EYS: variants seen among roughly 807,000 people sequenced by gnomAD.
The protein encoded by EYS is protein eyes shut homolog.
A neutral mutation model predicts 282.1 loss-of-function variants in EYS; 250 were observed. That is an observed-to-expected ratio of 0.89 (90% CI 0.80 to 0.98). The LOEUF (loss-of-function observed/expected upper bound fraction) is 0.98, where lower values mean the gene tolerates loss of function less well. Ranked by LOEUF, EYS falls within the 50% of genes least tolerant of loss-of-function variation. The pLI is 0.00. For missense variants in EYS, 4,016 were observed against 3,709.0 expected (o/e 1.08, Z -2.15); for synonymous variants, 1,355 against 1,282.9 (o/e 1.06, Z -1.20).
chr6:64,398,588 CA>C (rs2150434549), intron 28 of EYS, among the ~76,000 whole-genome samples: 1 of 151,852 alleles, frequency 6.6e-6, no homozygotes, highest in South Asian at 2.1e-4. Context: ...TACAGACATC[CA>C]AACACATTTA....
intron 26 of EYS, among the ~76,000 whole-genome samples, chr6:64,546,849 C>T (rs538743883): frequency 2.6e-5 from 4 of 152,130 alleles, no homozygotes; most frequent in South Asian, 2.1e-4. Context: ...GTTAGAATGG[C>T]GATCATTAAA....
chr6:64,075,583 T>G (rs2149863239), intron 32 of EYS, among the ~76,000 whole-genome samples: 1 of 152,044 alleles, frequency 6.6e-6, no homozygotes, highest in African/African-American at 2.4e-5. Context: ...TACTCTCCCA[T>G]TTTTGATGCC....
chr6:64,068,387 T>C (rs977668248), intron 32 of EYS, among the ~76,000 whole-genome samples: 17 of 152,096 alleles, frequency 1.1e-4, no homozygotes, highest in Non-Finnish European at 1.8e-4. Flanking sequence ...GTTCTGTATA[T>C]TGACTTGCCA....
chr6:65,556,650 T>C (rs7743334), intron 2 of EYS, among the ~76,000 whole-genome samples: 17,955 of 152,174 alleles, frequency 0.12, 1,122 homozygotes, highest in South Asian at 0.19. Context: ...ATGTAGGTAT[T>C]TTCAGAAAAA....
At chr6:65,341,977 T>A (rs1479455418) in intron 10 of EYS, among the ~76,000 whole-genome samples, 2 of 151,278 alleles carry the variant, frequency 1.3e-5, no homozygotes, top group African/African-American at 4.8e-5. Flanking sequence ...ATTTACATGA[T>A]TTCTCTTCCC....
At position 63,869,894 on chromosome 6, in the gene EYS, A is replaced by G. The variant is rs188167599; in HGVS notation, c.7056-5536T>C. 1.7e-3 allele frequency among the ~76,000 whole-genome samples: 254 copies of G among 152,272 alleles called. 1 individual carries two copies. Among genetic ancestry groups the G allele is most frequent in the African/African-American group, 5.8e-3 (240 of 41,582 alleles). On this transcript the variant is annotated intron_variant, in intron 35 of 42. Coordinates refer to ENST00000503581, the MANE Select transcript of EYS (RefSeq NM_001142800.2). ...GTTTGTCAAATGAATGTATCATTTCAGTGTCTAGAATTACCCTCCCCCCAT... is the reference window on the plus strand; with the variant it reads ...GTTTGTCAAATGAATGTATCATTTCGGTGTCTAGAATTACCCTCCCCCCAT...
At chr6:63,934,216 G>T (rs1443754259) in intron 35 of EYS, among the ~76,000 whole-genome samples, 1 of 152,178 alleles carries the variant, frequency 6.6e-6, no homozygotes, top group Non-Finnish European at 1.5e-5. Flanking sequence ...TCTCACACCA[G>T]TTAGAACGGC....
At chr6:64,369,784 TG>T (rs1323295920) in intron 29 of EYS, among the ~76,000 whole-genome samples, 1 of 152,084 alleles carries the variant, frequency 6.6e-6, no homozygotes, top group Non-Finnish European at 1.5e-5. Context: ...TTATTCTTTT[TG>T]TGGCTATTGT....
Position 64,896,749 on chromosome 6 carries a change from C to T in EYS, c.2846+5364G>A, listed in dbSNP as rs571846663. ...AACAGTCTGAAGTCCACCTGGGATG[C>T]TGGAGTTTAGTTGAGGGAGGGGCGT... On this transcript the variant is annotated intron_variant, in intron 18 of 42. Coordinates refer to ENST00000503581, the MANE Select transcript of EYS (RefSeq NM_001142800.2). Among the ~76,000 whole-genome samples, 4 of 152,080 alleles carry T rather than the reference C, an allele frequency of 2.6e-5. No homozygotes were observed. In the South Asian group the frequency reaches 6.2e-4, roughly 24 times the overall value.
At chr6:64,679,197 CT>C (rs5876914) in intron 22 of EYS, among the ~76,000 whole-genome samples, 144,443 of 151,732 alleles carry the variant, frequency 0.95, 69,146 homozygotes, top group East Asian at 1. Flanking sequence ...TCTGATGGTT[CT>C]TTTTTTTTAT....
At chr6:64,435,587 G>T (rs1405185034) in intron 28 of EYS, among the ~76,000 whole-genome samples, 1 of 151,068 alleles carries the variant, frequency 6.6e-6, no homozygotes, top group Non-Finnish European at 1.5e-5. Context: ...AAAGGTGGAG[G>T]GAGGTAAGGC....
intron 11 of EYS, among the ~76,000 whole-genome samples, chr6:65,297,038 T>G (rs528268478): frequency 2.0e-5 from 3 of 151,804 alleles, no homozygotes; most frequent in African/African-American, 7.2e-5. Context: ...TTGATCATTA[T>G]ACATTGAACA....
chr6:65,693,208 T>C (rs1011728732), intron 1 of EYS, among the ~76,000 whole-genome samples: 1 of 149,712 alleles, frequency 6.7e-6, no homozygotes, highest in African/African-American at 2.4e-5. Context: ...CTTACTTCTG[T>C]TTTATTTTTT....
chr6:65,117,085 A>G (rs1404637519), intron 12 of EYS, among the ~76,000 whole-genome samples: 1 of 152,190 alleles, frequency 6.6e-6, no homozygotes, highest in Non-Finnish European at 1.5e-5. Context: ...TTCAGGAAAC[A>G]TTTAATTGCC....
chr6:64,981,653 G>A (rs1002865428), intron 14 of EYS, among the ~76,000 whole-genome samples: 5 of 151,166 alleles, frequency 3.3e-5, no homozygotes, highest in African/African-American at 7.3e-5. Context: ...ATTTGCATAC[G>A]GGAGTCTGGT....
intron 26 of EYS, among the ~76,000 whole-genome samples, chr6:64,539,631 C>T (rs963132723): frequency 1.3e-5 from 2 of 151,996 alleles, no homozygotes; most frequent in African/African-American, 2.4e-5. Flanking sequence ...GGGATGAGCC[C>T]AAGGTGATGC....
intron 31 of EYS, among the ~76,000 whole-genome samples, chr6:64,150,922 C>A (rs1774681527): frequency 6.6e-6 from 1 of 152,082 alleles, no homozygotes; most frequent in South Asian, 2.1e-4. Flanking sequence ...AGGAACTTGT[C>A]ATCTTCATAC....
intron 28 of EYS, among the ~76,000 whole-genome samples, chr6:64,424,579 A>C (rs1367166709): frequency 6.6e-6 from 1 of 152,216 alleles, no homozygotes; most frequent in Non-Finnish European, 1.5e-5. Context: ...TTAAGACAAC[A>C]GATGTGGCTC....
intron 5 of EYS, among the ~76,000 whole-genome samples, chr6:65,433,841 G>A (rs2150386296): frequency 6.6e-6 from 1 of 151,738 alleles, no homozygotes; most frequent in African/African-American, 2.4e-5. Flanking sequence ...TCTTTCTTTT[G>A]GCCCAGAGGA....
Sources: gnomAD v4.1 joint callset for allele counts (sites outside exome capture counted in the v4.1 genomes callset) on GRCh38, gnomAD v4.1.1 for gene constraint, MANE v1.5 for transcripts, NCBI Gene and HGNC (gene_info 2026-07-23, HGNC 2026-07-21) for gene names.